The following THSD7A variants were observed in gnomAD, a reference collection of about 807,000 sequenced individuals.
THSD7A encodes thrombospondin type 1 domain containing 7A.
In THSD7A, 96 loss-of-function variants were observed where a neutral mutation model predicts 231.3. That is an observed-to-expected ratio of 0.41 (90% CI 0.35 to 0.49). The LOEUF is 0.49. THSD7A is among the 20% of genes least tolerant of loss of function. The pLI is 0.05. For missense variants in THSD7A, 2,290 were observed against 2,070.2 expected (o/e 1.11, Z -2.06); for synonymous variants, 940 against 743.3 (o/e 1.26, Z -4.30).
chr7:11,687,573 A>G (rs1261763602), intron 1 of THSD7A, among the ~76,000 whole-genome samples: 1 of 151,932 alleles, frequency 6.6e-6, no homozygotes. Flanking sequence ...AATCAGGATA[A>G]TATTTTATTA....
chr7:11,563,431 C>A (rs1263394528), intron 4 of THSD7A, among the ~76,000 whole-genome samples: 1 of 152,158 alleles, frequency 6.6e-6, no homozygotes, highest in Non-Finnish European at 1.5e-5. Context: ...GTGATCTCAG[C>A]TCACTGCAAC....
At chr7:11,593,667 G>A (rs1047502709) in intron 2 of THSD7A, among the ~76,000 whole-genome samples, 165 bp from the exon 3 acceptor site, 2 of 152,126 alleles carry the variant, frequency 1.3e-5, no homozygotes, top group African/African-American at 4.8e-5. Context: ...AAAGCAGTTA[G>A]ACTCAAAGCT....
intron 1 of THSD7A, among the ~76,000 whole-genome samples, chr7:11,735,738 T>A (rs1424034412): frequency 6.6e-6 from 1 of 151,992 alleles, no homozygotes; most frequent in Non-Finnish European, 1.5e-5. Flanking sequence ...AACAGTCTAA[T>A]ATAATGCTAA....
At chr7:11,534,174 C>T (rs1788821262) in intron 6 of THSD7A, among the ~76,000 whole-genome samples, 1 of 151,962 alleles carries the variant, frequency 6.6e-6, no homozygotes, top group Non-Finnish European at 1.5e-5. Context: ...GTATATTTTG[C>T]ATGTGAGAGG....
At chr7:11,647,790 T>C (rs1782338913) in intron 1 of THSD7A, among the ~76,000 whole-genome samples, 1 of 152,088 alleles carries the variant, frequency 6.6e-6, no homozygotes. Flanking sequence ...ATTGGCTGAC[T>C]GCTTCTTACA....
At chr7:11,505,446 GTTTT>G (rs200864043) in intron 6 of THSD7A, among the ~76,000 whole-genome samples, 1 of 144,594 alleles carries the variant, frequency 6.9e-6, no homozygotes, top group African/African-American at 2.5e-5. Context: ...CCAGTGTAAA[GTTTT>G]TTTTTTTTTT....
At position 11,831,174 on chromosome 7, in the gene THSD7A, A is replaced by G. The variant is rs1387640663; in HGVS notation, c.190+583T>C. Among the ~76,000 whole-genome samples the G allele has an allele frequency of 6.6e-6, 1 of 152,204 alleles. No individual in the cohort carries two copies. The highest frequency in any genetic ancestry group is 1.5e-5 in the Non-Finnish European group (1 of 68,038). ...GAGAAAGTTTGAACCCAGACATCCT[A>G]AAAGTTGTACACTTTAAAAATCCTC... On this transcript the variant is annotated intron_variant, in intron 1 of 27. Transcript: ENST00000423059. This position sits in a 1 kb window ranked among gnomAD's most constrained non-coding sequence, Gnocchi z 5.0.
At chr7:11,698,438 T>C (rs886228803) in intron 1 of THSD7A, among the ~76,000 whole-genome samples, 9 of 151,392 alleles carry the variant, frequency 5.9e-5, no homozygotes, top group Non-Finnish European at 1.0e-4. Context: ...CTCTAGGGAA[T>C]GTCCCAAATC....
chr7:11,392,557 G>A (rs1487779314), intron 23 of THSD7A, among the ~76,000 whole-genome samples: 4 of 152,072 alleles, frequency 2.6e-5, no homozygotes, highest in African/African-American at 2.4e-5. Context: ...TGGAAAGGGG[G>A]CTGAAGCCAG....
chr7:11,404,970 T>C lies in THSD7A; in HGVS notation c.4237+1330A>G, dbSNP rs538261945. ...AGATTTTTGGTTTTTAAAAATAGTT[T>C]AGTTCTTGACCTGAAGTAGATGAAA... On this transcript the variant is annotated intron_variant, in intron 22 of 27. Transcript: ENST00000423059. Among the ~76,000 whole-genome samples, 30 of 152,220 alleles carry C rather than the reference T, an allele frequency of 2.0e-4. 1 individual carries two copies. In the South Asian group the frequency reaches 6.2e-3, roughly 32 times the overall value.
At chr7:11,463,538 G>T (rs916744159) in intron 9 of THSD7A, among the ~76,000 whole-genome samples, 1 of 152,104 alleles carries the variant, frequency 6.6e-6, no homozygotes. Flanking sequence ...CTATCCCAAT[G>T]TAAGATTCTG....
intron 4 of THSD7A, among the ~76,000 whole-genome samples, chr7:11,546,157 GC>G (rs1401626547): frequency 1.2e-4 from 17 of 141,018 alleles, no homozygotes; most frequent in African/African-American, 4.5e-4. Flanking sequence ...TTGTGCCAGG[GC>G]CCACCACCCT....
Position 11,590,553 on chromosome 7 carries a change from G to A in THSD7A, c.1360C>T (p.Leu454Phe), listed in dbSNP as rs1780117770. 1.9e-6 allele frequency: 3 copies of A among 1,613,896 alleles called. No homozygotes were observed. The highest frequency in any genetic ancestry group is 2.7e-5 in the African/African-American group (2 of 75,040). ...QDKRRGNQTA[L>F]CGGGIQTREV... is the part of the protein sequence containing the mutation. ...CGGGTCTGGATGCCCCCTCCACAGA[G>A]GGCCGTCTGGTTGCCGCGCCTCTTG... The change falls in exon 4 of 28, where the codon CTC becomes TTC. Residue 454 changes from leucine (L) to phenylalanine (F), a missense_variant. Transcript: ENST00000423059. The surrounding 1 kb of genome is among the most constrained non-coding windows in gnomAD (Gnocchi z 4.4).
chr7:11,799,721 T>C (rs1457148697), intron 1 of THSD7A, among the ~76,000 whole-genome samples: 1 of 152,188 alleles, frequency 6.6e-6, no homozygotes, highest in East Asian at 1.9e-4. Flanking sequence ...CCTATGCATA[T>C]TGACACAATT....
At chr7:11,704,184 T>C (rs767172574) in intron 1 of THSD7A, among the ~76,000 whole-genome samples, 27 of 151,048 alleles carry the variant, frequency 1.8e-4, no homozygotes, top group Non-Finnish European at 2.2e-4. Flanking sequence ...TCAATCAAAC[T>C]TTAAAGCAAA....
intron 6 of THSD7A, among the ~76,000 whole-genome samples, chr7:11,511,395 A>C (rs979834046): frequency 1.3e-5 from 2 of 152,164 alleles, no homozygotes; most frequent in East Asian, 3.9e-4. Context: ...TCCCCATCAA[A>C]CTACCAATGA....
chr7:11,564,379 C>T (rs1420895918), intron 4 of THSD7A, among the ~76,000 whole-genome samples: 2 of 152,198 alleles, frequency 1.3e-5, no homozygotes, highest in Non-Finnish European at 2.9e-5. Context: ...CACCTTGCAG[C>T]TGGTCTGCTG....
intron 6 of THSD7A, among the ~76,000 whole-genome samples, chr7:11,516,783 G>A (rs926923467): frequency 2.0e-5 from 3 of 151,986 alleles, no homozygotes; most frequent in African/African-American, 7.3e-5. Context: ...AATTTCATAG[G>A]AGGCACCAGG....
intron 2 of THSD7A, among the ~76,000 whole-genome samples, chr7:11,598,344 A>G (rs1469204848): frequency 6.6e-6 from 1 of 152,186 alleles, no homozygotes; most frequent in Non-Finnish European, 1.5e-5. Context: ...CCAATGGGTG[A>G]CCTCAGCAGA....
Sources: allele counts gnomAD v4.1 joint callset (sites outside exome capture counted in the v4.1 genomes callset), GRCh38; gene constraint gnomAD v4.1.1; non-coding constraint Gnocchi (gnomAD v3.1); transcripts MANE v1.5; gene names NCBI Gene and HGNC (gene_info 2026-07-23, HGNC 2026-07-21).